Variants in CCP110 observed in about 807,000 individuals in gnomAD.
CCP110 encodes centriolar coiled-coil protein 110.
A neutral mutation model predicts 105.5 loss-of-function variants in CCP110; 43 were observed. That is an observed-to-expected ratio of 0.41 (90% confidence interval 0.32 to 0.53). The LOEUF is 0.53. CCP110 is among the 20% of genes least tolerant of loss of function. CCP110 has a pLI of 0.32. For synonymous variants in CCP110, 353 were observed against 392.1 expected, an observed-to-expected ratio of 0.90 and a Z score of 1.18; for missense variants, 1,016 against 1,189.1, an observed-to-expected ratio of 0.85 and a Z score of 2.14.
chr16:19,524,452 TTTC>T (rs1419561621), intron 1 of CCP110, among the ~76,000 whole-genome samples: 14 of 152,032 alleles, frequency 9.2e-5, no homozygotes, highest in Admixed American at 9.2e-4. Context: ...TTGGGCCGTT[TTTC>T]TTCTCCCTCC....
chr16:19,533,804 G>C (rs1969957617), intron 3 of CCP110, among the ~76,000 whole-genome samples: 1 of 152,178 alleles, frequency 6.6e-6, no homozygotes, highest in Non-Finnish European at 1.5e-5. Context: ...ATTTGCAAGA[G>C]AGTCTACCTG....
intron 1 of CCP110, among the ~76,000 whole-genome samples, chr16:19,524,503 T>C (rs1193682123): frequency 1.3e-5 from 2 of 152,102 alleles, no homozygotes; most frequent in East Asian, 1.9e-4. Flanking sequence ...GGGGTGTGCA[T>C]TGGCCATTTA....
intron 8 of CCP110, among the ~76,000 whole-genome samples, chr16:19,544,137 TA>T (rs1375574742): frequency 6.6e-6 from 1 of 152,190 alleles, no homozygotes; most frequent in Non-Finnish European, 1.5e-5. Context: ...CGCCCAGCAG[TA>T]AAATTCCTCT....
At chr16:19,534,022 G>A (rs569395305) in intron 3 of CCP110, among the ~76,000 whole-genome samples, 2 of 152,336 alleles carry the variant, frequency 1.3e-5, no homozygotes, top group East Asian at 3.9e-4. Flanking sequence ...GACGCAGGCT[G>A]AGAGGTAGTA....
chr16:19,546,330 T>C (rs1970456834), intron 11 of CCP110, 82 bp from the exon 12 acceptor site: 2 of 790,448 alleles, frequency 2.5e-6, no homozygotes, highest in Non-Finnish European at 4.2e-6. Flanking sequence ...ATGATTTGTT[T>C]CTGTCATCCT....
Position 19,524,447 on chromosome 16 carries a change from C to T in CCP110, c.-16+359C>T, listed in dbSNP as rs561843183. 8.5e-5 allele frequency among the ~76,000 whole-genome samples: 13 copies of T among 152,230 alleles called. No homozygotes were observed. The South Asian group carries it at 1.0e-3, about 12-fold the overall frequency. ...CATCGTGGTGATCAAATTGTTTGGG[C>T]CGTTTTTCTTCTCCCTCCCACGGTG... On this transcript the variant is annotated intron_variant, in intron 1 of 14. Transcript: ENST00000381396.
chr16:19,537,357 A>C, exon 4 of CCP110: 1 of 1,612,960 alleles, frequency 6.2e-7, no homozygotes, highest in Non-Finnish European at 8.5e-7. Flanking sequence ...ACGAGACAGC[A>C]GATGGACACA....
At chr16:19,544,977 G>GAAACCTAT in intron 9 of CCP110, 79 bp downstream of exon 9, 3 of 1,005,110 alleles carry the variant, frequency 3.0e-6, no homozygotes, top group African/African-American at 1.6e-5. Context: ...CTGAAAATAG[G>GAAACCTAT]TTTCAATGAA....
At chr16:19,533,069 T>C (rs906860595) in intron 3 of CCP110, among the ~76,000 whole-genome samples, 6 of 152,256 alleles carry the variant, frequency 3.9e-5, no homozygotes, top group African/African-American at 1.4e-4. Flanking sequence ...TTTAGATTTG[T>C]ATAAACAATT....
At chr16:19,536,580 G>A (rs532249557) in exon 4 of CCP110, 14 of 1,614,074 alleles carry the variant, frequency 8.7e-6, no homozygotes, top group African/African-American at 6.7e-5. Flanking sequence ...CTTCTCCAAG[G>A]TGCTTCCACT....
chr16:19,531,289 C>T (rs1288676973), intron 2 of CCP110, among the ~76,000 whole-genome samples: 1 of 152,126 alleles, frequency 6.6e-6, no homozygotes, highest in Non-Finnish European at 1.5e-5. Flanking sequence ...TGGACCTAAT[C>T]CACACTTTTA....
At chr16:19,544,123 C>T (rs965072638) in intron 8 of CCP110, among the ~76,000 whole-genome samples, 12 of 152,160 alleles carry the variant, frequency 7.9e-5, no homozygotes, top group African/African-American at 2.7e-4. Flanking sequence ...ATGTCCCCCT[C>T]GGACGCCCAG....
chr16:19,537,608 T>A, intron 4 of CCP110, 21 bp downstream of exon 4: 1 of 1,340,072 alleles, frequency 7.5e-7, no homozygotes. Flanking sequence ...TTTGAAGCGT[T>A]TGATACCTTC....
At chr16:19,532,487 G>A (rs1969907007) in exon 3 of CCP110, 2 of 1,611,016 alleles carry the variant, frequency 1.2e-6, no homozygotes, top group Admixed American at 3.4e-5. Flanking sequence ...CAAGAAAGCA[G>A]GTTAACAGGA....
chr16:19,536,375 A>G, exon 4 of CCP110: 1 of 1,612,696 alleles, frequency 6.2e-7, no homozygotes, highest in Non-Finnish European at 8.5e-7. Flanking sequence ...GAAAAAGTCA[A>G]AGGAATATAT....
At chr16:19,542,704 T>G in exon 7 of CCP110, 1 of 1,613,734 alleles carries the variant, frequency 6.2e-7, no homozygotes, top group Middle Eastern at 1.6e-4. Context: ...AACTAGTGGC[T>G]TGACCAAACT....
At position 19,548,671 on chromosome 16, in the gene CCP110, C is replaced by A; in HGVS notation, c.2986+71C>A. 1 of 931,084 alleles carries A rather than the reference C, an allele frequency of 1.1e-6. No individual in the cohort carries two copies. The highest frequency in any genetic ancestry group is 1.5e-5 in the South Asian group (1 of 65,948). 57.7% of individuals were successfully genotyped at this position (931,084 alleles called of 1,614,324 possible). A position where few individuals can be genotyped will look rare whatever the true frequency, so the allele number is the denominator to read the frequency against. ...GCACAAGCTGCCCCATAACTCAGGC[C>A]ATAGAAGTGGAATAGATTGTCTTTC... On this transcript the variant is annotated intron_variant, in intron 14 of 14. Coordinates refer to ENST00000381396, the Ensembl canonical transcript of CCP110. The surrounding 1 kb of genome is among the most constrained non-coding windows in gnomAD (Gnocchi z 4.1).
chr16:19,545,042 A>T, intron 9 of CCP110, 52 bp from the exon 10 acceptor site: 1 of 1,166,818 alleles, frequency 8.6e-7, no homozygotes, highest in Non-Finnish European at 1.3e-6. Context: ...GTATTCCTGA[A>T]CTCTAACCTC....
At chr16:19,551,132 T>C (rs1970624630) in intron 14 of CCP110, 64 bp from the exon 14 acceptor site, 1 of 950,726 alleles carries the variant, frequency 1.1e-6, no homozygotes, top group Non-Finnish European at 1.7e-6. Flanking sequence ...TAAAAACTCA[T>C]TAAATGGTAT....
Sources: allele counts gnomAD v4.1 joint callset (sites outside exome capture counted in the v4.1 genomes callset), GRCh38; gene constraint gnomAD v4.1.1; non-coding constraint Gnocchi (gnomAD v3.1); transcripts MANE v1.5; gene names NCBI Gene and HGNC (gene_info 2026-07-23, HGNC 2026-07-21).